SPIN1: variants seen among roughly 807,000 people sequenced by gnomAD.
SPIN1 encodes spindlin 1.
SPIN1 carries 3 observed loss-of-function variants against 26.0 expected under a neutral mutation model. The ratio of observed to expected loss-of-function variants is 0.12; its 90% CI spans 0.05 to 0.30. The LOEUF (loss-of-function observed/expected upper bound fraction) is 0.30. Ranked by LOEUF, SPIN1 falls within the 10% of genes least tolerant of loss-of-function variation. SPIN1 has a pLI of 1.00. For synonymous variants in SPIN1, 101 were observed against 116.5 expected (o/e 0.87, Z 0.86); for missense variants, 126 against 333.4 (o/e 0.38, Z 4.84).
intron 2 of SPIN1, among the ~76,000 whole-genome samples, chr9:88,435,715 T>C (rs1030115189): frequency 4.6e-5 from 7 of 152,190 alleles, no homozygotes; most frequent in African/African-American, 1.7e-4. Context: ...TAATCTGTGA[T>C]AGGGGTCATT....
intron 2 of SPIN1, among the ~76,000 whole-genome samples, chr9:88,446,331 A>G (rs986925537): frequency 1.3e-5 from 2 of 151,074 alleles, no homozygotes; most frequent in South Asian, 4.2e-4. Context: ...TATTTAGTTT[A>G]ATTATCAATG....
chr9:88,466,089 G>A (rs1828662534), intron 4 of SPIN1, among the ~76,000 whole-genome samples: 1 of 152,124 alleles, frequency 6.6e-6, no homozygotes, highest in Non-Finnish European at 1.5e-5. Flanking sequence ...ATTTTCTGAA[G>A]TAGTAAATAT....
chr9:88,465,765 C>T (rs980517631), intron 4 of SPIN1, among the ~76,000 whole-genome samples: 3 of 152,162 alleles, frequency 2.0e-5, no homozygotes, highest in African/African-American at 7.2e-5. Flanking sequence ...CTTTAAGGAG[C>T]TAACTGTTGA....
chr9:88,468,406 C>G lies in SPIN1; in HGVS notation c.390C>G (p.Asp130Glu). The G allele has an allele frequency of 6.2e-7, 1 of 1,605,112 alleles. No homozygotes were observed. The highest frequency in any genetic ancestry group is 8.5e-7 in the Non-Finnish European group (1 of 1,176,398). ...TSRISDAHLA[D>E]TMIGKAVEHM... ...GAATCAGCGATGCACACTTGGCAGACACAATGATTGGCAAAGCAGTGGAAC... is the reference window on the plus strand; with the variant it reads ...GAATCAGCGATGCACACTTGGCAGAGACAATGATTGGCAAAGCAGTGGAAC... The change falls in exon 5 of 6, where the codon GAC (aspartate) becomes GAG (glutamate). Residue 130 changes from aspartate (D) to glutamate (E), a missense_variant. Transcript: ENST00000375859.
intron 1 of SPIN1, chr9:88,416,870 ACCT>A (rs1196813257): frequency 6.6e-6 from 1 of 152,142 alleles, no homozygotes; most frequent in Non-Finnish European, 1.5e-5. Context: ...TGATCTGCCC[ACCT>A]CAGCCTCCCA....
At position 88,462,721 on chromosome 9, in the gene SPIN1, T is replaced by A; in HGVS notation, c.327T>A (p.Ser109=). The change falls in exon 4 of 6, where the codon TCT becomes TCA. Residue 109 remains serine (S), a synonymous_variant. Coordinates refer to ENST00000375859, the MANE Select transcript of SPIN1 (RefSeq NM_006717.3). ...GLELNKDERV[S]ALEVLPDRVA... The stretch of plus-strand genomic sequence containing the variant: ...AACTTAATAAAGATGAAAGAGTTTC[T>A]GCGCTTGAAGTCCTCCCTGATAGAG... The A allele has an allele frequency of 6.2e-7, 1 of 1,613,492 alleles. No homozygotes were observed. Among genetic ancestry groups the A allele is most frequent in the Non-Finnish European group, 8.5e-7 (1 of 1,179,614 alleles).
At chr9:88,473,946 T>G (rs998491768) in intron 5 of SPIN1, among the ~76,000 whole-genome samples, 2 of 152,236 alleles carry the variant, frequency 1.3e-5, no homozygotes, top group African/African-American at 4.8e-5. Flanking sequence ...AAAGAATTGA[T>G]TATGCTCAGA....
intron 2 of SPIN1, among the ~76,000 whole-genome samples, chr9:88,438,253 C>G (rs1828048665): frequency 6.6e-6 from 1 of 151,890 alleles, no homozygotes; most frequent in Admixed American, 6.6e-5. Context: ...GTTATGTTTT[C>G]ATTTTCACTT....
At chr9:88,412,045 G>C (rs1350642860) in intron 1 of SPIN1, among the ~76,000 whole-genome samples, 3 of 151,878 alleles carry the variant, frequency 2.0e-5, no homozygotes, top group Admixed American at 2.0e-4. Context: ...TGGGCCTTGT[G>C]GTGGGCGCCT....
At chr9:88,458,691 G>A (rs368429232) in intron 3 of SPIN1, among the ~76,000 whole-genome samples, 10 of 152,226 alleles carry the variant, frequency 6.6e-5, no homozygotes, top group African/African-American at 2.2e-4. Flanking sequence ...AAACACATGA[G>A]GAGGGAAGCG....
At chr9:88,417,492 G>A (rs1827591471) in intron 1 of SPIN1, among the ~76,000 whole-genome samples, 1 of 152,044 alleles carries the variant, frequency 6.6e-6, no homozygotes, top group African/African-American at 2.4e-5. Context: ...TTTTTTGTGA[G>A]ATGGAGTTCT....
Position 88,426,516 on chromosome 9 carries a change from C to T in SPIN1, c.-24C>T, listed in dbSNP as rs375481977. Reference sequence around the variant, plus strand: ...AATTTTCACCCTAGTCCAGCAGCTCCGCTGCTCACTTAAATACAGATGAAT... The same window carrying T: ...AATTTTCACCCTAGTCCAGCAGCTCTGCTGCTCACTTAAATACAGATGAAT... On this transcript the variant is annotated 5_prime_UTR_variant, in exon 2 of 6. Transcript: ENST00000375859. The T allele has an allele frequency of 8.4e-5, 134 of 1,602,486 alleles. No individual in the cohort carries two copies. The highest frequency in any genetic ancestry group is 1.6e-4 in the East Asian group (7 of 44,772).
intron 1 of SPIN1, chr9:88,411,262 C>T: frequency 2.6e-6 from 3 of 1,154,392 alleles, no homozygotes; most frequent in South Asian, 1.2e-5. Flanking sequence ...CTGCATCCTC[C>T]ACCTCCACAG....
At chr9:88,444,057 C>T (rs1828193804) in intron 2 of SPIN1, among the ~76,000 whole-genome samples, 1 of 152,006 alleles carries the variant, frequency 6.6e-6, no homozygotes, top group Non-Finnish European at 1.5e-5. Context: ...GTTTTGGGGA[C>T]AGTTGTTTGT....
intron 2 of SPIN1, among the ~76,000 whole-genome samples, chr9:88,431,303 T>C (rs955229615): frequency 1.8e-4 from 28 of 151,858 alleles, no homozygotes; most frequent in Non-Finnish European, 3.5e-4. Context: ...TTTTTTTTTT[T>C]GAGATGGAGT....
At chr9:88,466,397 ATCC>A (rs1294148398) in intron 4 of SPIN1, among the ~76,000 whole-genome samples, 7 of 152,018 alleles carry the variant, frequency 4.6e-5, no homozygotes, top group Non-Finnish European at 1.0e-4. Flanking sequence ...GCCTCAAGCA[ATCC>A]TCCTGCCTGG....
chr9:88,443,402 T>G (rs1828180582), intron 2 of SPIN1, among the ~76,000 whole-genome samples: 1 of 152,208 alleles, frequency 6.6e-6, no homozygotes, highest in Non-Finnish European at 1.5e-5. Flanking sequence ...ATCTGTAGCT[T>G]TTTTTGATTG....
At chr9:88,413,525 A>G (rs942597054) in intron 1 of SPIN1, among the ~76,000 whole-genome samples, 2 of 151,498 alleles carry the variant, frequency 1.3e-5, no homozygotes, top group East Asian at 1.9e-4. Flanking sequence ...CTGGGACTAC[A>G]GGTGCGCACC....
In SPIN1 at chr9:88,477,787, T is replaced by C. The variant is rs535924571; in HGVS notation, c.*2510T>C. On this transcript the variant is annotated 3_prime_UTR_variant, in exon 6 of 6. Transcript: ENST00000375859. ...TGTGACAATACAAGACATGAATCTA[T>C]GTATAAAATTTATCGGCCTTTCTCA... The C allele has an allele frequency of 6.6e-6, 1 of 152,658 alleles. No individual in the cohort carries two copies. The highest frequency in any genetic ancestry group is 1.9e-4 in the East Asian group (1 of 5,180). The allele number at this position is 152,658 out of a possible 1,614,324, so 9.5% of individuals were successfully genotyped here. A position where few individuals can be genotyped will look rare whatever the true frequency, so the allele number is the denominator to read the frequency against.
Sources: gnomAD v4.1 joint callset for allele counts (sites outside exome capture counted in the v4.1 genomes callset) on GRCh38, gnomAD v4.1.1 for gene constraint, MANE v1.5 for transcripts, NCBI Gene and HGNC (gene_info 2026-07-23, HGNC 2026-07-21) for gene names.